ITFG1: variants seen among roughly 807,000 people sequenced by gnomAD.
ITFG1 encodes T-cell immunomodulatory protein.
Under a neutral mutation model 81.8 loss-of-function variants are expected in ITFG1, and 34 were observed. That is an observed-to-expected ratio of 0.42 (90% CI 0.32 to 0.55). ITFG1 has a LOEUF of 0.55. Among genes scored for constraint, ITFG1 ranks in the 20% least tolerant of loss-of-function variants. ITFG1 has a pLI of 0.17. For synonymous variants in ITFG1, 285 were observed against 270.6 expected (o/e 1.05, Z -0.52); for missense variants, 672 against 755.4 (o/e 0.89, Z 1.29).
At chr16:47,245,777 C>CTTA (rs1965994857) in intron 12 of ITFG1, among the ~76,000 whole-genome samples, 1 of 151,928 alleles carries the variant, frequency 6.6e-6, no homozygotes, top group East Asian at 1.9e-4. Flanking sequence ...AAATAGTCTT[C>CTTA]CTTAATCTTC....
At chr16:47,256,243 A>AT (rs941603403) in intron 12 of ITFG1, among the ~76,000 whole-genome samples, 6 of 151,456 alleles carry the variant, frequency 4.0e-5, no homozygotes, top group African/African-American at 7.3e-5. Flanking sequence ...GGGAGGACTG[A>AT]TTTTTTTTTG....
chr16:47,333,710 TC>T (rs1567464132), intron 8 of ITFG1, among the ~76,000 whole-genome samples: 1 of 152,232 alleles, frequency 6.6e-6, no homozygotes, highest in Non-Finnish European at 1.5e-5. Flanking sequence ...TTACCGTACT[TC>T]CCTATGGTCA....
intron 10 of ITFG1, among the ~76,000 whole-genome samples, chr16:47,281,870 A>AT (rs889815741): frequency 2.6e-5 from 4 of 151,560 alleles, no homozygotes; most frequent in Admixed American, 1.3e-4. Context: ...CTATTTATTT[A>AT]TTTTTATAGA....
chr16:47,450,960 G>C (rs563862997), intron 5 of ITFG1, among the ~76,000 whole-genome samples: 299 of 152,306 alleles, frequency 2.0e-3, no homozygotes, highest in Middle Eastern at 3.4e-3. Flanking sequence ...CCAGAGCTTA[G>C]AGGAGTGCTT....
In ITFG1 at chr16:47,375,876, C is replaced by G. The variant is rs1347886142; in HGVS notation, c.720G>C (p.Leu240Phe). The G allele has an allele frequency of 6.3e-7, 1 of 1,576,126 alleles. No homozygotes were observed. The highest frequency in any genetic ancestry group is 8.7e-7 in the Non-Finnish European group (1 of 1,145,950). ...STFQFEIWEN[L>F]DGNFSVSTIL... ...ATGCTTCAAGGAAAAGATTTCTTAC[C>G]AAATTTTCCCATATTTCAAACTGGA... Residue 240 changes from leucine (L) to phenylalanine (F), a missense_variant and splice_region_variant, in exon 7 of 18, where the codon TTG becomes TTC. Physicochemically the swap from Leu to Phe is conservative, Grantham distance 22 (BLOSUM62 0). Around this residue, in one of 3 missense-constraint regions of ITFG1, gnomAD observed 560 missense variants for 625.7 expected, o/e 0.90. Transcript: ENST00000320640.
At chr16:47,224,074 G>T (rs1179343355) in intron 13 of ITFG1, among the ~76,000 whole-genome samples, 1 of 120,018 alleles carries the variant, frequency 8.3e-6, no homozygotes, top group East Asian at 3.1e-4. Context: ...GTGGGGTGGG[G>T]GGAGGGGAGG....
intron 6 of ITFG1, among the ~76,000 whole-genome samples, chr16:47,419,342 C>T (rs1291003330): frequency 6.6e-6 from 1 of 152,018 alleles, no homozygotes; most frequent in Non-Finnish European, 1.5e-5. Flanking sequence ...AATCATTGCT[C>T]ACTGCAGCCT....
At chr16:47,208,462 T>C (rs1965527181) in intron 14 of ITFG1, among the ~76,000 whole-genome samples, 1 of 152,240 alleles carries the variant, frequency 6.6e-6, no homozygotes, top group Non-Finnish European at 1.5e-5. Context: ...GCTATGAGAC[T>C]AGTATGAGGC....
chr16:47,418,236 A>G (rs1239452975), intron 6 of ITFG1, among the ~76,000 whole-genome samples: 1 of 151,992 alleles, frequency 6.6e-6, no homozygotes, highest in Non-Finnish European at 1.5e-5. Context: ...TTGCTTTCTT[A>G]CCGTTGAATT....
At position 47,403,059 on chromosome 16, in the gene ITFG1, C is replaced by T. The variant is rs548366309; in HGVS notation, c.655+25745G>A. ...ATGCTTACGGTCAACAAAGTTCTGT[C>T]TGCAAAATTATAGTAATGTAATAAG... is the stretch of plus-strand genomic sequence containing the variant. On this transcript the variant is annotated intron_variant, in intron 6 of 17. Coordinates refer to ENST00000320640, the MANE Select transcript of ITFG1 (RefSeq NM_030790.5). Among the ~76,000 whole-genome samples, 12 of 152,218 alleles carry T rather than the reference C, an allele frequency of 7.9e-5. No individual in the cohort carries two copies. The East Asian group carries it at 2.3e-3, about 29-fold the overall frequency.
intron 14 of ITFG1, among the ~76,000 whole-genome samples, chr16:47,168,043 A>G (rs901624350): frequency 2.0e-5 from 3 of 152,126 alleles, no homozygotes; most frequent in Non-Finnish European, 4.4e-5. Flanking sequence ...TTACATTCCC[A>G]CCAGCAATGT....
At chr16:47,316,750 T>C (rs2151566802) in intron 8 of ITFG1, among the ~76,000 whole-genome samples, 1 of 152,328 alleles carries the variant, frequency 6.6e-6, no homozygotes, top group Non-Finnish European at 1.5e-5. Flanking sequence ...TGTTTTAATA[T>C]ATTATTATGC....
intron 6 of ITFG1, among the ~76,000 whole-genome samples, chr16:47,378,346 TC>T (rs1968353242): frequency 6.6e-6 from 1 of 152,198 alleles, no homozygotes; most frequent in African/African-American, 2.4e-5. Flanking sequence ...GCAGTTAGCG[TC>T]ATGGGATTAG....
chr16:47,274,299 T>C (rs1170270079), intron 10 of ITFG1, among the ~76,000 whole-genome samples: 2 of 152,070 alleles, frequency 1.3e-5, no homozygotes, highest in Non-Finnish European at 2.9e-5. Flanking sequence ...GATTCAATCT[T>C]ATCATCTTGA....
At chr16:47,456,420 T>C (rs1250883005) in intron 2 of ITFG1, among the ~76,000 whole-genome samples, 3 of 152,058 alleles carry the variant, frequency 2.0e-5, no homozygotes, top group Non-Finnish European at 4.4e-5. Context: ...CCGGGCGCGG[T>C]GGCTCATGCC....
rs564772309 is a variant in ITFG1, at chr16:47,363,476, TCTC to T, written c.802+2309_802+2311del. 3.9e-5 allele frequency among the ~76,000 whole-genome samples: 6 copies of T among 152,078 alleles called. No homozygotes were observed. The East Asian group carries it at 9.7e-4, about 25-fold the overall frequency. On this transcript the variant is annotated intron_variant, in intron 8 of 17. Transcript: ENST00000320640. Reference sequence around the variant, plus strand: ...CCTTGACCCCCTGTGCTCAAGCAATTCTCCTGCCTCAGCCCCGAGAAGCTGAGA... The same window carrying T: ...CCTTGACCCCCTGTGCTCAAGCAATTCTGCCTCAGCCCCGAGAAGCTGAGA...
At chr16:47,282,625 A>G (rs999251537) in intron 10 of ITFG1, among the ~76,000 whole-genome samples, 1 of 152,144 alleles carries the variant, frequency 6.6e-6, no homozygotes, top group African/African-American at 2.4e-5. Context: ...TAGGATTGCT[A>G]CGTCAAATGG....
At chr16:47,445,837 T>C (rs1169370523) in intron 5 of ITFG1, among the ~76,000 whole-genome samples, 1 of 152,170 alleles carries the variant, frequency 6.6e-6, no homozygotes, top group African/African-American at 2.4e-5. Flanking sequence ...GGAGGCCATA[T>C]GAAGGAGCAC....
intron 10 of ITFG1, among the ~76,000 whole-genome samples, chr16:47,273,790 GTTTATTTA>G (rs138805545): frequency 2.7e-4 from 41 of 151,698 alleles, no homozygotes; most frequent in South Asian, 1.2e-3. Context: ...TAGTTTGTTT[GTTTATTTA>G]TTTATTTATT....
Sources: gnomAD v4.1 joint callset for allele counts (sites outside exome capture counted in the v4.1 genomes callset) on GRCh38, gnomAD v4.1.1 for gene constraint, gnomAD v4.1.1 regional missense constraint, MANE v1.5 for transcripts, NCBI Gene and HGNC (gene_info 2026-07-23, HGNC 2026-07-21) for gene names.